Variants in CD38 observed in about 807,000 individuals in gnomAD.
CD38 encodes CD38 molecule, also known as ADP-ribosyl cyclase/cyclic ADP-ribose hydrolase 1.
CD38 carries 31 observed loss-of-function variants against 36.3 expected under a neutral mutation model. The observed-to-expected ratio is 0.85, with a 90% confidence interval of 0.64 to 1.15. The LOEUF (loss-of-function observed/expected upper bound fraction) is 1.15. Ranked by LOEUF, CD38 falls within the 50% of genes most tolerant of loss-of-function variation. The probability of loss-of-function intolerance (pLI) is 0.00; values close to 1 mark genes in which losing one functional copy is unlikely to be tolerated. For synonymous variants in CD38, 131 were observed against 135.2 expected (o/e 0.97, Z 0.22); for missense variants, 380 against 371.9 (o/e 1.02, Z -0.18).
intron 1 of CD38, among the ~76,000 whole-genome samples, chr4:15,786,226 T>C (rs1471297433): frequency 9.2e-5 from 14 of 152,110 alleles, no homozygotes. Flanking sequence ...CAGTGTTGGC[T>C]CCCCCCAGCC....
chr4:15,778,722 A>C lies in CD38; in HGVS notation c.233+75A>C. On this transcript the variant is annotated intron_variant, in intron 1 of 7. Transcript: ENST00000226279. This position sits in a 1 kb window ranked among gnomAD's most constrained non-coding sequence, Gnocchi z 4.9. Reference sequence around the variant, plus strand: ...CCCCGCGCGCAGGGAAGCCGCCCGGATCGCCCGGAACCGGGCATCTTCCGT... The same window carrying C: ...CCCCGCGCGCAGGGAAGCCGCCCGGCTCGCCCGGAACCGGGCATCTTCCGT... 1 of 1,076,190 alleles carries C rather than the reference A, an allele frequency of 9.3e-7. No homozygotes were observed. Among genetic ancestry groups the C allele is most frequent in the Non-Finnish European group, 1.4e-6 (1 of 727,584 alleles). The allele number at this position is 1,076,190 out of a possible 1,614,324, so 66.7% of individuals were successfully genotyped here. A position where few individuals can be genotyped will look rare whatever the true frequency, so the allele number is the denominator to read the frequency against.
rs184235662 is a variant in CD38, at chr4:15,824,228, G to A, written c.364-653G>A. On this transcript the variant is annotated intron_variant, in intron 2 of 7. Coordinates refer to ENST00000226279, the MANE Select transcript of CD38 (RefSeq NM_001775.4). ...TAATACCTAGGTGATGGGTTAATAG[G>A]TGCAGCAAACCCATGGCACATATTT... 2.0e-4 allele frequency among the ~76,000 whole-genome samples: 31 copies of A among 152,054 alleles called. 1 individual carries two copies. The South Asian group carries it at 5.8e-3, about 29-fold the overall frequency.
rs762810678 is a variant in CD38, at chr4:15,778,562, T to C, written c.148T>C (p.Trp50Arg). Residue 50 changes from tryptophan to arginine, a missense_variant, in exon 1 of 8, where the codon TGG becomes CGG. By Grantham distance (101) the Trp-to-Arg change is moderately radical (BLOSUM62 -3). Transcript: ENST00000226279. The surrounding 1 kb of genome is among the most constrained non-coding windows in gnomAD (Gnocchi z 4.9). ...AVVVPRWRQQ[W>R]SGPGTTKRFP... Reference sequence around the variant, plus strand: ...GGTCGTCCCGAGGTGGCGCCAGCAGTGGAGCGGTCCGGGCACCACCAAGCG... The same window carrying C: ...GGTCGTCCCGAGGTGGCGCCAGCAGCGGAGCGGTCCGGGCACCACCAAGCG... 13 of 1,613,380 alleles carry C rather than the reference T, an allele frequency of 8.1e-6. No individual in the cohort carries two copies. In the African/African-American group the frequency reaches 1.7e-4, roughly 22 times the overall value.
intron 4 of CD38, among the ~76,000 whole-genome samples, chr4:15,837,301 T>G (rs937796333): frequency 1.3e-5 from 2 of 152,234 alleles, no homozygotes; most frequent in African/African-American, 4.8e-5. Flanking sequence ...GGACTTCTTT[T>G]TTCAGACTTG....
chr4:15,786,547 G>A (rs1249719343), intron 1 of CD38, among the ~76,000 whole-genome samples: 1 of 152,210 alleles, frequency 6.6e-6, no homozygotes, highest in African/African-American at 2.4e-5. Context: ...GACACAGGGT[G>A]CTGATTGGTC....
At chr4:15,791,047 G>A (rs1213396752) in intron 1 of CD38, among the ~76,000 whole-genome samples, 1 of 135,914 alleles carries the variant, frequency 7.4e-6, no homozygotes, top group Non-Finnish European at 1.6e-5. Flanking sequence ...AGGGAGGTGG[G>A]GGGGGGTCAG....
chr4:15,800,945 A>G (rs1004050838), intron 1 of CD38, among the ~76,000 whole-genome samples: 2 of 152,110 alleles, frequency 1.3e-5, no homozygotes, highest in Non-Finnish European at 2.9e-5. Flanking sequence ...GGAAGTAAAT[A>G]ATAAAGATCA....
chr4:15,840,188 G>A, intron 6 of CD38, 70 bp downstream of exon 6: 1 of 1,084,376 alleles, frequency 9.2e-7, no homozygotes. Flanking sequence ...ACAGTCACAA[G>A]CACGCACTGG....
chr4:15,837,698 T>G (rs1419235461), intron 4 of CD38, among the ~76,000 whole-genome samples: 3 of 152,168 alleles, frequency 2.0e-5, no homozygotes, highest in Non-Finnish European at 4.4e-5. Context: ...TGTTCCCATT[T>G]CCCTCATCCC....
rs573533176 is a variant in CD38 at position 15,778,937 on chromosome 4, G to A, written c.233+290G>A. 6.6e-6 allele frequency among the ~76,000 whole-genome samples: 1 copy of A among 152,278 alleles called. No individual in the cohort carries two copies. Among genetic ancestry groups the A allele is most frequent in the East Asian group, 1.9e-4 (1 of 5,152 alleles). On this transcript the variant is annotated intron_variant, in intron 1 of 7. Coordinates refer to ENST00000226279, the MANE Select transcript of CD38 (RefSeq NM_001775.4). This position sits in a 1 kb window ranked among gnomAD's most constrained non-coding sequence, Gnocchi z 4.9. ...GCACCGATGCCCGCCTTCTGGGCAA[G>A]GTGCCCTGAGCCCAGCCCCTCGCCG...
In CD38 at chr4:15,778,398, A is replaced by AC; in HGVS notation, c.-13dup. 6.3e-7 allele frequency: 1 copy of AC among 1,595,306 alleles called. No individual in the cohort carries two copies. The highest frequency in any genetic ancestry group is 8.6e-7 in the Non-Finnish European group (1 of 1,164,138). On this transcript the variant is annotated 5_prime_UTR_variant, in exon 1 of 8. Transcript: ENST00000226279. The surrounding 1 kb of genome is among the most constrained non-coding windows in gnomAD (Gnocchi z 4.9). ...TGCCGGCCTCATCTTCGCCCAGCCA[A>AC]CCCCGCCTGGAGCCCTATGGCCAAC...
Position 15,778,750 on chromosome 4 carries a change from C to A in CD38, c.233+103C>A. 1.2e-6 allele frequency: 1 copy of A among 825,144 alleles called. No homozygotes were observed. Among genetic ancestry groups the A allele is most frequent in the Non-Finnish European group, 1.9e-6 (1 of 526,478 alleles). 51.1% of individuals were successfully genotyped at this position (825,144 alleles called of 1,614,324 possible). A position where few individuals can be genotyped will look rare whatever the true frequency, so the allele number is the denominator to read the frequency against. ...GCCCGGAACCGGGCATCTTCCGTGG[C>A]GGGTCAGCCGAGAGCCCGCCGGGTG... On this transcript the variant is annotated intron_variant, in intron 1 of 7. Transcript: ENST00000226279. The surrounding 1 kb of genome is among the most constrained non-coding windows in gnomAD (Gnocchi z 4.9).
intron 7 of CD38, among the ~76,000 whole-genome samples, chr4:15,842,014 G>C (rs1724223712): frequency 7.0e-6 from 1 of 143,038 alleles, no homozygotes; most frequent in African/African-American, 2.8e-5. Flanking sequence ...GGCTTGATTA[G>C]GTAAACAAAG....
rs71179666 is a variant in CD38, at chr4:15,847,595, C to CAAAAAAAAAAAAA, written c.840-928_840-916dup. 3.1e-4 allele frequency among the ~76,000 whole-genome samples: 12 copies of CAAAAAAAAAAAAA among 38,168 alleles called. 1 individual carries two copies. Among genetic ancestry groups the CAAAAAAAAAAAAA allele is most frequent in the African/African-American group, 6.2e-4 (5 of 8,078 alleles). The allele number at this position is 38,168 out of a possible 152,430, so 25.0% of individuals were successfully genotyped here. A position where few individuals can be genotyped will look rare whatever the true frequency, so the allele number is the denominator to read the frequency against. On this transcript the variant is annotated intron_variant, in intron 7 of 7. Transcript: ENST00000226279. ...AAAAATAAAAAACAACTCTCAGAAG[C>CAAAAAAAAAAAAA]AAAAAAAAAAAAAAAAAAAAAAAAA...
chr4:15,818,016 C>T (rs1438216625), intron 2 of CD38, among the ~76,000 whole-genome samples: 1 of 152,130 alleles, frequency 6.6e-6, no homozygotes, highest in Non-Finnish European at 1.5e-5. Context: ...TGTTCACTCC[C>T]CTGGAAAGGG....
chr4:15,814,660 G>A (rs1723545016), intron 1 of CD38, among the ~76,000 whole-genome samples: 1 of 152,116 alleles, frequency 6.6e-6, no homozygotes, highest in Admixed American at 6.5e-5. Flanking sequence ...TCTGTATATG[G>A]CTAGCCAGTT....
chr4:15,817,395 C>T (rs997756000), intron 2 of CD38, among the ~76,000 whole-genome samples: 2 of 152,234 alleles, frequency 1.3e-5, no homozygotes, highest in African/African-American at 2.4e-5. Flanking sequence ...TACAGCCTCT[C>T]ATTCCATTGT....
chr4:15,800,125 C>A (rs1316534092), intron 1 of CD38, among the ~76,000 whole-genome samples: 1 of 152,204 alleles, frequency 6.6e-6, no homozygotes, highest in Non-Finnish European at 1.5e-5. Context: ...CTCTAATAAA[C>A]TCTCCTATCC....
rs184057381 is a variant in CD38 at position 15,784,988 on chromosome 4, G to A, written c.233+6341G>A. 6.4e-3 allele frequency among the ~76,000 whole-genome samples: 977 copies of A among 152,064 alleles called. 11 individuals are homozygous for A. Among genetic ancestry groups the A allele is most frequent in the Non-Finnish European group, 8.2e-3 (554 of 67,970 alleles). Reference sequence around the variant, plus strand: ...GGAGAATCGCTTGAACCTGGGAGGCGGAGGTTGCAATGAGCTGAGCTCACG... The same window carrying A: ...GGAGAATCGCTTGAACCTGGGAGGCAGAGGTTGCAATGAGCTGAGCTCACG... On this transcript the variant is annotated intron_variant, in intron 1 of 7. Transcript: ENST00000226279.
Sources: gnomAD v4.1 joint callset for allele counts (sites outside exome capture counted in the v4.1 genomes callset) on GRCh38, gnomAD v4.1.1 for gene constraint, Gnocchi (gnomAD v3.1) non-coding constraint, MANE v1.5 for transcripts, NCBI Gene and HGNC (gene_info 2026-07-23, HGNC 2026-07-21) for gene names.